The following SPDYE5 variants were observed in gnomAD, a reference collection of about 807,000 sequenced individuals.
SPDYE5 encodes the protein speedy/RINGO cell cycle regulator family member E5.
A neutral mutation model predicts 48.5 loss-of-function variants in SPDYE5; 15 were observed. That is an observed-to-expected ratio of 0.31 (90% CI 0.21 to 0.48). SPDYE5 has a LOEUF of 0.48. Among genes scored for constraint, SPDYE5 ranks in the 20% least tolerant of loss-of-function variants. The pLI, the probability that SPDYE5 is intolerant of heterozygous loss-of-function variation, is 0.99. For missense variants in SPDYE5, 331 were observed against 549.1 expected (o/e 0.60, Z 3.97); for synonymous variants, 116 against 200.7 (o/e 0.58, Z 3.57).
Position 75,501,902 on chromosome 7 carries a change from T to C in SPDYE5, c.1174T>C (p.Trp392Arg), listed in dbSNP as rs1793174265. Residue 392 changes from tryptophan (W) to arginine (R), a missense_variant, in exon 8 of 9, where the codon TGG (tryptophan) becomes CGG (arginine). Transcript: ENST00000625065. ...GATCCAGGCTTATGACCCAGAGCAC[T>C]GGGTGTGGGCGCGAGATCGCGCTCA... is the stretch of plus-strand genomic sequence containing the variant. ...EEIQAYDPEH[W>R]VWARDRAHLS 1 of 1,610,528 alleles carries C rather than the reference T, an allele frequency of 6.2e-7. No individual in the cohort carries two copies. Among genetic ancestry groups the C allele is most frequent in the South Asian group, 1.1e-5 (1 of 90,984 alleles).
chr7:75,494,464 T>G (rs1792849895), intron 2 of SPDYE5, among the ~76,000 whole-genome samples: 1 of 149,682 alleles, frequency 6.7e-6, no homozygotes, highest in Admixed American at 6.7e-5. Flanking sequence ...GGCGAATCAC[T>G]TGAGACTGGG....
rs1554481867 is a variant in SPDYE5, at chr7:75,492,437, C to T, written c.-426C>T. ...TTAGGAAAACGTGTGGGAACTCACT[C>T]GCAGGTTCTTTATTTTTTTTGAGAT... On this transcript the variant is annotated 5_prime_UTR_variant, in exon 1 of 9. Coordinates refer to ENST00000625065, the MANE Select transcript of SPDYE5 (RefSeq NM_001306141.4). Among the ~76,000 whole-genome samples the T allele has an allele frequency of 6.6e-6, 1 of 151,996 alleles. No individual in the cohort carries two copies. The highest frequency in any genetic ancestry group is 1.9e-4 in the East Asian group (1 of 5,186).
chr7:75,493,038 G>A (rs1162273720), intron 1 of SPDYE5, among the ~76,000 whole-genome samples: 1 of 151,906 alleles, frequency 6.6e-6, no homozygotes, highest in Admixed American at 6.6e-5. Context: ...CTGGCCTCAG[G>A]CAATCTTCCT....
Position 75,503,717 on chromosome 7 carries a change from ACTAT to A in SPDYE5, c.*935_*938del, listed in dbSNP as rs1344768103. 1.3e-5 allele frequency: 2 copies of A among 149,820 alleles called. No individual in the cohort carries two copies. Among genetic ancestry groups the A allele is most frequent in the African/African-American group, 4.9e-5 (2 of 41,194 alleles). 9.3% of individuals were successfully genotyped at this position (149,820 alleles called of 1,614,324 possible). A position where few individuals can be genotyped will look rare whatever the true frequency, so the allele number is the denominator to read the frequency against. On this transcript the variant is annotated 3_prime_UTR_variant, in exon 9 of 9. Transcript: ENST00000625065. ...ATATATACTAACACGTCTAATATAT[ACTAT>A]CTATTTTATTGGTTTATTTTGAAAA... is the stretch of plus-strand genomic sequence containing the variant.
At chr7:75,492,175 G>T (rs1239264025), upstream of SPDYE5, among the ~76,000 whole-genome samples, 6 of 152,092 alleles carry the variant, frequency 3.9e-5, no homozygotes, top group African/African-American at 1.4e-4. Flanking sequence ...TTTTAATGGG[G>T]TCAGAACATT....
chr7:75,491,702 A>ATTTTT (rs782071463), upstream of SPDYE5, among the ~76,000 whole-genome samples: 4 of 70,910 alleles, frequency 5.6e-5, no homozygotes, highest in African/African-American at 1.1e-4. Flanking sequence ...CTGTTTAGCC[A>ATTTTT]TTTTTTTTTT....
At chr7:75,496,630 T>A in intron 3 of SPDYE5, 44 bp from the exon 4 acceptor site, 1 of 1,597,298 alleles carries the variant, frequency 6.3e-7, no homozygotes. Flanking sequence ...TCTAGTGTGA[T>A]CAACTGCAGA....
chr7:75,502,907 A>T lies in SPDYE5; in HGVS notation c.*120A>T, dbSNP rs1266044174. The T allele has an allele frequency of 1.1e-6, 1 of 937,130 alleles. No individual in the cohort carries two copies. Among genetic ancestry groups the T allele is most frequent in the Non-Finnish European group, 1.5e-6 (1 of 669,138 alleles). The allele number at this position is 937,130 out of a possible 1,614,324, so 58.1% of individuals were successfully genotyped here. On this transcript the variant is annotated 3_prime_UTR_variant, in exon 9 of 9. Coordinates refer to ENST00000625065, the MANE Select transcript of SPDYE5 (RefSeq NM_001306141.4). ...ATGCTAATGGCAGACACCAGGAAGG[A>T]GGAGAGGAACCATTTGTGCAGATCA...
rs587759695 is a variant in SPDYE5, at chr7:75,501,310, G to A, written c.756-52G>A. 2.4e-5 allele frequency: 39 copies of A among 1,610,758 alleles called. 1 individual carries two copies. The East Asian group carries it at 2.9e-4, about 12-fold the overall frequency. On this transcript the variant is annotated intron_variant, in intron 6 of 8. Coordinates refer to ENST00000625065, the MANE Select transcript of SPDYE5 (RefSeq NM_001306141.4). ...CCTCTCTGGGAAGCTGACCTCAGCC[G>A]GAGGCCTCTCTTGGTGGTGCCCCTG...
At position 75,493,806 on chromosome 7, in the gene SPDYE5, C is replaced by A; in HGVS notation, c.-242C>A. Reference sequence around the variant, plus strand: ...GCAGGAGATACCATTCACCCAGGATCTCCAGGACAAGAGATCAGCCTGGCA... The same window carrying A: ...GCAGGAGATACCATTCACCCAGGATATCCAGGACAAGAGATCAGCCTGGCA... On this transcript the variant is annotated 5_prime_UTR_variant, in exon 2 of 9. Coordinates refer to ENST00000625065, the MANE Select transcript of SPDYE5 (RefSeq NM_001306141.4). 1 of 1,428,210 alleles carries A rather than the reference C, an allele frequency of 7.0e-7. No homozygotes were observed. Among genetic ancestry groups the A allele is most frequent in the East Asian group, 2.5e-5 (1 of 39,880 alleles). 88.5% of individuals were successfully genotyped at this position (1,428,210 alleles called of 1,614,324 possible).
Position 75,495,241 on chromosome 7 carries a change from G to A in SPDYE5, c.246G>A (p.Pro82=), listed in dbSNP as rs372990616. The change falls in exon 3 of 9, where the codon CCG becomes CCA. Residue 82 remains proline (P), a synonymous_variant. Transcript: ENST00000625065. ...GGTCAGATGAATCTGCGGAGGAGCC[G>A]GAGAAGGAGCTCGCCCCTGAACCTG... The part of the protein sequence containing the change: ...REWSDESAEE[P]EKELAPEPEE... 99 of 1,596,452 alleles carry A rather than the reference G, an allele frequency of 6.2e-5. 1 individual carries two copies. The highest frequency in any genetic ancestry group is 4.5e-4 in the Middle Eastern group (2 of 4,458).
Position 75,493,900 on chromosome 7 carries a change from T to C in SPDYE5, c.-148T>C, listed in dbSNP as rs1554482077. 1.4e-6 allele frequency: 2 copies of C among 1,468,310 alleles called. No individual in the cohort carries two copies. The highest frequency in any genetic ancestry group is 2.8e-5 in the African/African-American group (2 of 70,830). 91.0% of individuals were successfully genotyped at this position (1,468,310 alleles called of 1,614,324 possible). A position where few individuals can be genotyped will look rare whatever the true frequency, so the allele number is the denominator to read the frequency against. On this transcript the variant is annotated 5_prime_UTR_variant, in exon 2 of 9. Transcript: ENST00000625065. ...GCGATGACATCAGAGATTCCGACCA[T>C]CCTGATTGGAGGGACCGGACTCCGT...
chr7:75,502,395 A>G (rs3973248), intron 8 of SPDYE5, among the ~76,000 whole-genome samples: 17 of 152,144 alleles, frequency 1.1e-4, no homozygotes, highest in South Asian at 2.1e-4. Flanking sequence ...CACAGAGCAT[A>G]AGACTTCATC....
chr7:75,492,984 T>A (rs1182157818), intron 1 of SPDYE5, among the ~76,000 whole-genome samples: 3 of 151,972 alleles, frequency 2.0e-5, no homozygotes, highest in Non-Finnish European at 2.9e-5. Flanking sequence ...TTTGTTTTTT[T>A]AGAGATGGGC....
At position 75,503,237 on chromosome 7, in the gene SPDYE5, T is replaced by C; in HGVS notation, c.*450T>C. The C allele has an allele frequency of 3.0e-6, 1 of 334,878 alleles. No homozygotes were observed. Among genetic ancestry groups the C allele is most frequent in the Non-Finnish European group, 5.8e-6 (1 of 172,730 alleles). 20.7% of individuals were successfully genotyped at this position (334,878 alleles called of 1,614,324 possible). A position where few individuals can be genotyped will look rare whatever the true frequency, so the allele number is the denominator to read the frequency against. On this transcript the variant is annotated 3_prime_UTR_variant, in exon 9 of 9. Coordinates refer to ENST00000625065, the MANE Select transcript of SPDYE5 (RefSeq NM_001306141.4). ...ATTGGCACAGATTTCTTCTGTGAAATATCAGTGCCACAGATTGTAACAGAT... is the reference window on the plus strand; with the variant it reads ...ATTGGCACAGATTTCTTCTGTGAAACATCAGTGCCACAGATTGTAACAGAT...
At chr7:75,499,684 T>G in intron 6 of SPDYE5, among the ~76,000 whole-genome samples, 1 of 147,546 alleles carries the variant, frequency 6.8e-6, no homozygotes, top group Non-Finnish European at 1.5e-5. Flanking sequence ...AGAGAACCCT[T>G]TGAACCCAGG....
At chr7:75,496,634 C>A in intron 3 of SPDYE5, 40 bp from the exon 4 acceptor site, 1 of 1,597,450 alleles carries the variant, frequency 6.3e-7, no homozygotes. Flanking sequence ...GTGTGATCAA[C>A]TGCAGAAGCA....
In SPDYE5 at chr7:75,498,046, G is replaced by A. The variant is rs1554482873; in HGVS notation, c.669+50G>A. The A allele has an allele frequency of 3.1e-6, 5 of 1,596,780 alleles. No individual in the cohort carries two copies. The Admixed American group carries it at 6.7e-5, about 21-fold the overall frequency. ...TTCCTGTTCCAACGCATGGCTCGGG[G>A]GAGGGCGCAGCTTCCAAACCCACAG... On this transcript the variant is annotated intron_variant, in intron 5 of 8. Transcript: ENST00000625065.
chr7:75,493,191 A>G (rs587693483), intron 1 of SPDYE5, among the ~76,000 whole-genome samples: 7 of 151,732 alleles, frequency 4.6e-5, no homozygotes, highest in African/African-American at 1.4e-4. Context: ...AGAGCAATAC[A>G]TATGATACAA....
Sources: allele counts gnomAD v4.1 joint callset (sites outside exome capture counted in the v4.1 genomes callset), GRCh38; gene constraint gnomAD v4.1.1; transcripts MANE v1.5; gene names NCBI Gene and HGNC (gene_info 2026-07-23, HGNC 2026-07-21).